Variants in WASF2 observed in about 807,000 individuals in gnomAD.
The protein encoded by WASF2 is WASP family member 2.
A neutral mutation model predicts 45.0 loss-of-function variants in WASF2; 14 were observed. The observed-to-expected ratio is 0.31, with a 90% CI of 0.21 to 0.49. WASF2 has a LOEUF of 0.49. Ranked by LOEUF, WASF2 falls within the 20% of genes least tolerant of loss-of-function variation. The pLI is 0.99. For synonymous variants in WASF2, 200 were observed against 236.3 expected (o/e 0.85, Z 1.41); for missense variants, 439 against 636.1 (o/e 0.69, Z 3.33).
chr1:27,434,987 C>T (rs770442863), intron 1 of WASF2, among the ~76,000 whole-genome samples: 7 of 152,000 alleles, frequency 4.6e-5, no homozygotes, highest in Non-Finnish European at 1.0e-4. Flanking sequence ...GCTCTTGTTG[C>T]CCAGGCTGGA....
At chr1:27,421,585 G>T (rs1035044044) in intron 2 of WASF2, among the ~76,000 whole-genome samples, 3 of 152,168 alleles carry the variant, frequency 2.0e-5, no homozygotes, top group Non-Finnish European at 4.4e-5. Context: ...GGAGGCCAAG[G>T]GAGGCAGATC....
chr1:27,428,334 C>T (rs1024440034), intron 2 of WASF2, among the ~76,000 whole-genome samples: 1 of 152,186 alleles, frequency 6.6e-6, no homozygotes, highest in African/African-American at 2.4e-5. Context: ...TAGATAAAAA[C>T]TATTGGCACA....
At chr1:27,425,422 G>C (rs953877956) in intron 2 of WASF2, among the ~76,000 whole-genome samples, 1 of 152,236 alleles carries the variant, frequency 6.6e-6, no homozygotes, top group African/African-American at 2.4e-5. Context: ...TAAAATGAAG[G>C]CTGGGCGTGG....
At chr1:27,479,020 C>T (rs935307067) in intron 1 of WASF2, among the ~76,000 whole-genome samples, 1 of 152,076 alleles carries the variant, frequency 6.6e-6, no homozygotes, top group East Asian at 1.9e-4. Flanking sequence ...GGTGTGGTGG[C>T]TCACGCCTGT....
At chr1:27,489,348 TACACACACACACAC>T (rs10636716) in intron 1 of WASF2, among the ~76,000 whole-genome samples, 4 of 10,094 alleles carry the variant, frequency 4.0e-4, no homozygotes, top group African/African-American at 1.1e-3. Flanking sequence ...TACTTCATGG[TACACACACACACAC>T]ACACACACAC....
At chr1:27,422,519 T>G (rs1010037689) in intron 2 of WASF2, among the ~76,000 whole-genome samples, 1 of 148,112 alleles carries the variant, frequency 6.8e-6, no homozygotes, top group Non-Finnish European at 1.5e-5. Flanking sequence ...CTCAGGAGGC[T>G]GAGGCAGGAG....
intron 1 of WASF2, among the ~76,000 whole-genome samples, chr1:27,486,951 T>G (rs2017936163): frequency 6.8e-6 from 1 of 147,864 alleles, no homozygotes. Flanking sequence ...ATATAACTCA[T>G]ACATTATAGA....
At chr1:27,487,630 A>ATATATATAT (rs1557626635) in intron 1 of WASF2, among the ~76,000 whole-genome samples, 14 of 89,494 alleles carry the variant, frequency 1.6e-4, no homozygotes, top group African/African-American at 6.7e-4. Context: ...ATTTTATACA[A>ATATATATAT]TATATAATAT....
chr1:27,417,456 T>TAC (rs373623292), intron 4 of WASF2, among the ~76,000 whole-genome samples: 1,547 of 151,260 alleles, frequency 0.01, 29 homozygotes, highest in African/African-American at 0.034. Flanking sequence ...TTCACGTGGG[T>TAC]ACACACACAC....
intron 1 of WASF2, among the ~76,000 whole-genome samples, chr1:27,468,075 A>T (rs1458798645): frequency 6.6e-6 from 1 of 152,096 alleles, no homozygotes; most frequent in Non-Finnish European, 1.5e-5. Flanking sequence ...ATGGGATTAC[A>T]GGCACATGCC....
At chr1:27,428,580 G>A (rs2017018193) in intron 2 of WASF2, among the ~76,000 whole-genome samples, 181 bp downstream of exon 2, 1 of 152,206 alleles carries the variant, frequency 6.6e-6, no homozygotes, top group Non-Finnish European at 1.5e-5. Context: ...GATAAAGAAG[G>A]TTGAAGAGAA....
chr1:27,456,360 T>C (rs1252733583), intron 1 of WASF2, among the ~76,000 whole-genome samples: 2 of 147,672 alleles, frequency 1.4e-5, no homozygotes, highest in Non-Finnish European at 3.0e-5. Context: ...AGGTTCTTTC[T>C]GACTCTTGCA....
chr1:27,425,824 G>A (rs1372278337), intron 2 of WASF2, among the ~76,000 whole-genome samples: 1 of 126,408 alleles, frequency 7.9e-6, no homozygotes, highest in East Asian at 2.3e-4. Context: ...GGGCAACAGA[G>A]TGAGACTCCG....
chr1:27,474,856 G>A (rs1312055945), intron 1 of WASF2, among the ~76,000 whole-genome samples: 2 of 152,078 alleles, frequency 1.3e-5, no homozygotes, highest in Admixed American at 6.6e-5. Context: ...AGAGGCTGAG[G>A]TGGGAGGATC....
At chr1:27,454,642 T>C (rs1276872326) in intron 1 of WASF2, among the ~76,000 whole-genome samples, 1 of 152,212 alleles carries the variant, frequency 6.6e-6, no homozygotes, top group East Asian at 1.9e-4. Flanking sequence ...CCAGCCACTT[T>C]TAAAATTTTT....
At position 27,407,479 on chromosome 1, in the gene WASF2, G is replaced by A. The variant is rs568365658; in HGVS notation, c.*710C>T. 2.6e-5 allele frequency: 4 copies of A among 152,832 alleles called. No homozygotes were observed. Among genetic ancestry groups the A allele is most frequent in the African/African-American group, 9.6e-5 (4 of 41,576 alleles). 9.5% of individuals were successfully genotyped at this position (152,832 alleles called of 1,614,324 possible). A position where few individuals can be genotyped will look rare whatever the true frequency, so the allele number is the denominator to read the frequency against. On this transcript the variant is annotated 3_prime_UTR_variant, in exon 9 of 9. Transcript: ENST00000618852. ...GGGCTGTGTTGCCTGAAGGTATCTA[G>A]AGGTGGTGGTGGTGCATCCTGAACA...
At chr1:27,483,530 T>C (rs973310670) in intron 1 of WASF2, among the ~76,000 whole-genome samples, 1 of 151,856 alleles carries the variant, frequency 6.6e-6, no homozygotes, top group South Asian at 2.1e-4. Flanking sequence ...CAGCTGCTAC[T>C]AGGTAAGGCT....
chr1:27,467,785 G>A (rs1278196875), intron 1 of WASF2, among the ~76,000 whole-genome samples: 4 of 151,524 alleles, frequency 2.6e-5, no homozygotes, highest in East Asian at 2.0e-4. Context: ...GGTGGCACGC[G>A]ACTGTAGTCC....
At chr1:27,469,919 G>A (rs1374011668) in intron 1 of WASF2, among the ~76,000 whole-genome samples, 1 of 152,116 alleles carries the variant, frequency 6.6e-6, no homozygotes, top group Non-Finnish European at 1.5e-5. Context: ...ACTCCAGAGT[G>A]GGCGACAGAA....
Sources: gnomAD v4.1 joint callset for allele counts (sites outside exome capture counted in the v4.1 genomes callset) on GRCh38, gnomAD v4.1.1 for gene constraint, MANE v1.5 for transcripts, NCBI Gene and HGNC (gene_info 2026-07-23, HGNC 2026-07-21) for gene names.